ZBTB11: variants seen among roughly 807,000 people sequenced by gnomAD.
The protein encoded by ZBTB11 is zinc finger and BTB domain-containing protein 11.
ZBTB11 carries 68 observed loss-of-function variants against 113.1 expected under a neutral mutation model. The observed-to-expected ratio is 0.60, with a 90% CI of 0.49 to 0.74. The LOEUF (loss-of-function observed/expected upper bound fraction) is 0.74. ZBTB11 is among the 30% of genes least tolerant of loss of function. ZBTB11 has a pLI of 0.00. For synonymous variants in ZBTB11, 518 were observed against 452.6 expected (o/e 1.14, Z -1.83); for missense variants, 1,104 against 1,279.4 (o/e 0.86, Z 2.09).
chr3:101,672,288 A>C, intron 1 of ZBTB11, 75 bp from the exon 2 acceptor site: 1 of 1,018,210 alleles, frequency 9.8e-7, no homozygotes, highest in Non-Finnish European at 1.5e-6. Context: ...GTCTGTGCAC[A>C]TTAACACATT....
intron 3 of ZBTB11, 141 bp from the exon 4 acceptor site, chr3:101,665,949 T>C: frequency 1.1e-6 from 1 of 893,266 alleles, no homozygotes; most frequent in Non-Finnish European, 1.7e-6. Flanking sequence ...TGCATTTTGT[T>C]CTGGTTTCTT....
intron 4 of ZBTB11, 125 bp from the exon 5 acceptor site, chr3:101,664,839 C>T (rs1936953630): frequency 1.0e-5 from 15 of 1,473,428 alleles, no homozygotes; most frequent in Middle Eastern, 3.6e-4. Flanking sequence ...GCATTTAAAA[C>T]ATTAAGTTGC....
chr3:101,671,242 T>C lies in ZBTB11; in HGVS notation c.666A>G (p.Gly222=). The change falls in exon 3 of 11, where the codon GGA becomes GGG. Residue 222 remains glycine (G), a synonymous_variant. Coordinates refer to ENST00000312938, the MANE Select transcript of ZBTB11 (RefSeq NM_014415.4). ...CAGATTTATGAGCTTTGTACTCTTC[T>C]CCTTCAATTAACAAAGTAACATCAC... ...QFCDVTLLIE[G]EEYKAHKSVL... 1.2e-6 allele frequency: 2 copies of C among 1,614,178 alleles called. No homozygotes were observed. Among genetic ancestry groups the C allele is most frequent in the East Asian group, 2.2e-5 (1 of 44,874 alleles).
intron 7 of ZBTB11, 60 bp from the exon 8 acceptor site, chr3:101,654,881 T>C: frequency 6.4e-6 from 4 of 626,092 alleles, no homozygotes; most frequent in South Asian, 6.7e-5. Context: ...TTTAACAGAA[T>C]TTTTTTTTTT....
intron 6 of ZBTB11, among the ~76,000 whole-genome samples, chr3:101,656,955 G>GA (rs1427801753): frequency 6.7e-6 from 1 of 149,818 alleles, no homozygotes; most frequent in African/African-American, 2.4e-5. Context: ...TCAACATGGT[G>GA]AAACCCTGTT....
At chr3:101,662,763 A>T (rs1244734209) in intron 5 of ZBTB11, among the ~76,000 whole-genome samples, 1 of 151,554 alleles carries the variant, frequency 6.6e-6, no homozygotes, top group East Asian at 1.9e-4. Flanking sequence ...ATTCCTCAAA[A>T]TTGTCTTTTT....
chr3:101,665,760 G>C lies in ZBTB11; in HGVS notation c.827C>G (p.Ser276Cys). The stretch of plus-strand genomic sequence containing the variant: ...GCTACAGAAATCAAAACTTAGTACA[G>C]AAGTATAGGCAAATTCCAGTAAAGG... ...FLPLLEFAYT[S>C]VLSFDFCSMA... is the part of the protein sequence containing the mutation. The change falls in exon 4 of 11, where the codon TCT becomes TGT. Residue 276 changes from serine to cysteine, a missense_variant. Coordinates refer to ENST00000312938, the MANE Select transcript of ZBTB11 (RefSeq NM_014415.4). The C allele has an allele frequency of 6.2e-7, 1 of 1,612,626 alleles. No homozygotes were observed. The highest frequency in any genetic ancestry group is 8.5e-7 in the Non-Finnish European group (1 of 1,179,546).
chr3:101,656,395 G>T (rs1388916035), intron 6 of ZBTB11, 147 bp from the exon 7 acceptor site: 1 of 442,492 alleles, frequency 2.3e-6, no homozygotes, highest in East Asian at 7.3e-5. Flanking sequence ...AGTGAAAGTT[G>T]AAACCAACTT....
chr3:101,671,140 C>T lies in ZBTB11; in HGVS notation c.768G>A (p.Val256=), dbSNP rs1937079305. Residue 256 remains valine, a synonymous_variant, in exon 3 of 11, where the codon GTG becomes GTA. Coordinates refer to ENST00000312938, the MANE Select transcript of ZBTB11 (RefSeq NM_014415.4). ...KGAVSSHEAV[V]DLSGFCKASF... Reference sequence around the variant, plus strand: ...ATACAAAACCCTTACCAGAAAGATCCACCACAGCCTCATGACTGGAAACAG... The same window carrying T: ...ATACAAAACCCTTACCAGAAAGATCTACCACAGCCTCATGACTGGAAACAG... 2 of 1,613,498 alleles carry T rather than the reference C, an allele frequency of 1.2e-6. No individual in the cohort carries two copies. The highest frequency in any genetic ancestry group is 8.5e-7 in the Non-Finnish European group (1 of 1,179,670).
chr3:101,656,563 A>G (rs1936802411), intron 6 of ZBTB11, among the ~76,000 whole-genome samples: 1 of 152,208 alleles, frequency 6.6e-6, no homozygotes, highest in Non-Finnish European at 1.5e-5. Context: ...GAGACATGGA[A>G]GTTTAATCAA....
At chr3:101,667,966 C>T (rs1576651080) in intron 3 of ZBTB11, among the ~76,000 whole-genome samples, 1 of 152,086 alleles carries the variant, frequency 6.6e-6, no homozygotes, top group Non-Finnish European at 1.5e-5. Flanking sequence ...CCTACATGTT[C>T]ATCAACAGAT....
In ZBTB11 at chr3:101,656,228, GA is replaced by G; in HGVS notation, c.2066del (p.Ile689ThrfsTer6). 6.3e-7 allele frequency: 1 copy of G among 1,581,228 alleles called. No individual in the cohort carries two copies. The highest frequency in any genetic ancestry group is 8.6e-7 in the Non-Finnish European group (1 of 1,165,142). Reference sequence around the variant, plus strand: ...GATGTAATTTTAGACCATGCTTATAGATAAAAGTCTTTCCACAGACCTAAGA... The same window carrying G: ...GATGTAATTTTAGACCATGCTTATAGTAAAAGTCTTTCCACAGACCTAAGA... ...HACQVCGKTF[I>X]YKHGLKLHQS... On this transcript the variant is annotated frameshift_variant, in exon 7 of 11. Coordinates refer to ENST00000312938, the MANE Select transcript of ZBTB11 (RefSeq NM_014415.4). LOFTEE classifies it high-confidence loss of function.
chr3:101,662,667 C>T (rs1055278023), intron 5 of ZBTB11, among the ~76,000 whole-genome samples: 6 of 152,080 alleles, frequency 3.9e-5, no homozygotes, highest in Non-Finnish European at 7.4e-5. Context: ...GTTTTGTAAA[C>T]GTAATTTTTT....
intron 1 of ZBTB11, among the ~76,000 whole-genome samples, chr3:101,674,965 A>G (rs1360687139): frequency 6.6e-6 from 1 of 152,178 alleles, no homozygotes; most frequent in East Asian, 1.9e-4. Context: ...TGTAAAACAG[A>G]TAGAGGCTGA....
At chr3:101,670,368 T>A (rs1576652253) in intron 3 of ZBTB11, among the ~76,000 whole-genome samples, 1 of 152,240 alleles carries the variant, frequency 6.6e-6, no homozygotes, top group Non-Finnish European at 1.5e-5. Context: ...ATGCTACCTA[T>A]AATTCTTCCT....
At position 101,664,615 on chromosome 3, in the gene ZBTB11, C is replaced by A; in HGVS notation, c.1723G>T (p.Gly575Ter). The A allele has an allele frequency of 6.2e-7, 1 of 1,613,864 alleles. No individual in the cohort carries two copies. The highest frequency in any genetic ancestry group is 8.5e-7 in the Non-Finnish European group (1 of 1,179,928). ...EEASHKCGEC[G>*]MVFQRRYALI... ...GCGTATCGTCTCTGAAAAACCATTC[C>A]ACATTCCCCACATTTATGAGATGCT... The change falls in exon 5 of 11, where the codon GGA becomes TGA. Residue 575 changes from glycine (G) to a stop codon, truncating the protein, a stop_gained. Coordinates refer to ENST00000312938, the MANE Select transcript of ZBTB11 (RefSeq NM_014415.4). LOFTEE classifies it high-confidence loss of function.
intron 5 of ZBTB11, among the ~76,000 whole-genome samples, chr3:101,663,820 A>G (rs960719617): frequency 4.6e-5 from 7 of 152,206 alleles, no homozygotes; most frequent in Middle Eastern, 3.4e-3. Flanking sequence ...AACCTGGGAG[A>G]TGGAGGATGC....
Position 101,672,110 on chromosome 3 carries a change from T to C in ZBTB11, c.414A>G (p.Glu138=), listed in dbSNP as rs1937095069. 3 of 1,614,200 alleles carry C rather than the reference T, an allele frequency of 1.9e-6. No homozygotes were observed. ...CTCCAGATTCAAGGTCTAGTCCCAA[T>C]TCTTCCAACATTTCTGAAACATCTG... ...PISDVSEMLE[E]LGLDLESGEE... Residue 138 remains glutamate (E), a synonymous_variant, in exon 2 of 11, where the codon GAA becomes GAG. Coordinates refer to ENST00000312938, the MANE Select transcript of ZBTB11 (RefSeq NM_014415.4).
At chr3:101,670,934 G>A in intron 3 of ZBTB11, 196 bp downstream of exon 3, 2 of 544,854 alleles carry the variant, frequency 3.7e-6, no homozygotes, top group South Asian at 6.0e-5. Flanking sequence ...AAGACGTAGT[G>A]AAAGGAAATG....
Sources: gnomAD v4.1 joint callset for allele counts (sites outside exome capture counted in the v4.1 genomes callset) on GRCh38, gnomAD v4.1.1 for gene constraint, MANE v1.5 for transcripts, NCBI Gene and HGNC (gene_info 2026-07-23, HGNC 2026-07-21) for gene names.